Variants in SYT3 observed in about 807,000 individuals in gnomAD.
SYT3 encodes the protein synaptotagmin-3.
A neutral mutation model predicts 50.6 loss-of-function variants in SYT3; 25 were observed. The ratio of observed to expected loss-of-function variants is 0.49; its 90% CI spans 0.36 to 0.69. The LOEUF (loss-of-function observed/expected upper bound fraction) is 0.69, where lower values mean the gene tolerates loss of function less well. Among genes scored for constraint, SYT3 ranks in the 30% least tolerant of loss-of-function variants. The probability of loss-of-function intolerance (pLI) is 0.00; values close to 1 mark genes in which losing one functional copy is unlikely to be tolerated. For missense variants in SYT3, 589 were observed against 793.6 expected, an observed-to-expected ratio of 0.74 and a Z score of 3.10; for synonymous variants, 323 against 353.9, an observed-to-expected ratio of 0.91 and a Z score of 0.98.
In SYT3 at chr19:50,625,076, C is replaced by T. The variant is rs1159819703; in HGVS notation, c.1707+86G>A. The T allele has an allele frequency of 4.5e-6, 6 of 1,345,250 alleles. No homozygotes were observed. The highest frequency in any genetic ancestry group is 1.5e-5 in the African/African-American group (1 of 67,912). The allele number at this position is 1,345,250 out of a possible 1,614,324, so 83.3% of individuals were successfully genotyped here. On this transcript the variant is annotated intron_variant, in intron 9 of 10. Transcript: ENST00000600079. This position sits in a 1 kb window ranked among gnomAD's most constrained non-coding sequence, Gnocchi z 7.5. ...CTAGGACGCCTGGCTCTGCGACTCA[C>T]GAACATGCAGGGCGTTCGTTGCATG... is the stretch of plus-strand genomic sequence containing the variant.
the SYT3 span, chr19:50,649,425 C>G: frequency 6.5e-7 from 1 of 1,536,104 alleles, no homozygotes; most frequent in Non-Finnish European, 8.7e-7. Flanking sequence ...CCTGAGACAT[C>G]CCTCACCCAC....
In SYT3 at chr19:50,639,396, C is replaced by T. The variant is rs1364841084; in HGVS notation, c.-153-234G>A. ...TGGGAGTTGAAGTCCTTAATGCCTC[C>T]GGGCTGCAGAGAGGATGGGATTTTT... On this transcript the variant is annotated intron_variant, in intron 1 of 10. Coordinates refer to ENST00000600079, the MANE Select transcript of SYT3 (RefSeq NM_001160329.2). This position sits in a 1 kb window ranked among gnomAD's most constrained non-coding sequence, Gnocchi z 4.6. 3.3e-5 allele frequency: 5 copies of T among 151,050 alleles called. No homozygotes were observed. The highest frequency in any genetic ancestry group is 7.4e-5 in the Non-Finnish European group (5 of 67,878). The allele number at this position is 151,050 out of a possible 1,614,324, so 9.4% of individuals were successfully genotyped here. A position where few individuals can be genotyped will look rare whatever the true frequency, so the allele number is the denominator to read the frequency against.
At chr19:50,638,263 C>T (rs1048798077) in intron 2 of SYT3, among the ~76,000 whole-genome samples, 6 of 152,000 alleles carry the variant, frequency 3.9e-5, no homozygotes, top group Admixed American at 3.3e-4. Flanking sequence ...GCATTTTAGA[C>T]AGTAGGAGCA....
the SYT3 span, chr19:50,649,578 G>T: frequency 2.7e-6 from 4 of 1,495,750 alleles, no homozygotes; most frequent in Non-Finnish European, 3.6e-6. Flanking sequence ...AGTAGCCCGG[G>T]CTCACAGTGT....
In SYT3 at chr19:50,632,851, T is replaced by G; in HGVS notation, c.149-40A>C. ...GACAGAGGTAGGGGTCAGGATGGGG[T>G]CACAGTACATCCTCCCTCTGCTGTC... On this transcript the variant is annotated intron_variant, in intron 3 of 10. Transcript: ENST00000600079. The surrounding 1 kb of genome is among the most constrained non-coding windows in gnomAD (Gnocchi z 4.7). 6.9e-7 allele frequency: 1 copy of G among 1,448,432 alleles called. No individual in the cohort carries two copies. The highest frequency in any genetic ancestry group is 9.1e-7 in the Non-Finnish European group (1 of 1,097,422). The allele number at this position is 1,448,432 out of a possible 1,614,324, so 89.7% of individuals were successfully genotyped here.
At chr19:50,628,995 T>C (rs1984176227) in intron 6 of SYT3, among the ~76,000 whole-genome samples, 1 of 152,040 alleles carries the variant, frequency 6.6e-6, no homozygotes, top group Non-Finnish European at 1.5e-5. Flanking sequence ...GGCTAATTTT[T>C]GTATTTTTAG....
chr19:50,652,606 G>A, the SYT3 span, among the ~76,000 whole-genome samples: 1 of 152,184 alleles, frequency 6.6e-6, no homozygotes, highest in Non-Finnish European at 1.5e-5. Flanking sequence ...TTGGACTGCA[G>A]CAGGTGAAAA....
At position 50,632,249 on chromosome 19, in the gene SYT3, G is replaced by A; in HGVS notation, c.674+37C>T. On this transcript the variant is annotated intron_variant, in intron 4 of 10. Transcript: ENST00000600079. This position sits in a 1 kb window ranked among gnomAD's most constrained non-coding sequence, Gnocchi z 4.7. ...AAAGAGACACAGAGGAGGAGCAGAAGTTCAGAGTGGACCCCCAACCCAGTA... is the reference window on the plus strand; with the variant it reads ...AAAGAGACACAGAGGAGGAGCAGAAATTCAGAGTGGACCCCCAACCCAGTA... 6.6e-7 allele frequency: 1 copy of A among 1,519,530 alleles called. No individual in the cohort carries two copies. Among genetic ancestry groups the A allele is most frequent in the Non-Finnish European group, 8.8e-7 (1 of 1,130,626 alleles). 94.1% of individuals were successfully genotyped at this position (1,519,530 alleles called of 1,614,324 possible).
At chr19:50,652,911 A>G in the SYT3 span, among the ~76,000 whole-genome samples, 4 of 152,122 alleles carry the variant, frequency 2.6e-5, no homozygotes, top group East Asian at 1.9e-4. Flanking sequence ...TCCTTATTCT[A>G]TCATTTTGTG....
chr19:50,639,384 C>T lies in SYT3; in HGVS notation c.-153-222G>A, dbSNP rs1455851196. On this transcript the variant is annotated intron_variant, in intron 1 of 10. Coordinates refer to ENST00000600079, the MANE Select transcript of SYT3 (RefSeq NM_001160329.2). This position sits in a 1 kb window ranked among gnomAD's most constrained non-coding sequence, Gnocchi z 4.6. ...TGCAGGATCTGCTGGGAGTTGAAGT[C>T]CTTAATGCCTCCGGGCTGCAGAGAG... 6.6e-6 allele frequency: 1 copy of T among 151,882 alleles called. No homozygotes were observed. The highest frequency in any genetic ancestry group is 1.5e-5 in the Non-Finnish European group (1 of 68,064). The allele number at this position is 151,882 out of a possible 1,614,324, so 9.4% of individuals were successfully genotyped here. A position where few individuals can be genotyped will look rare whatever the true frequency, so the allele number is the denominator to read the frequency against.
the SYT3 span, among the ~76,000 whole-genome samples, chr19:50,646,870 G>T: frequency 3.3e-5 from 5 of 151,578 alleles, no homozygotes; most frequent in African/African-American, 1.2e-4. Context: ...TTGCTTTGTC[G>T]CCCAGGCTGG....
intron 3 of SYT3, among the ~76,000 whole-genome samples, chr19:50,636,473 A>G (rs1984497809): frequency 6.6e-6 from 1 of 152,192 alleles, no homozygotes; most frequent in African/African-American, 2.4e-5. Context: ...TCACCTGGAC[A>G]TCCTGCACAT....
In SYT3 at chr19:50,637,218, C is replaced by T. The variant is rs140477707; in HGVS notation, c.148+46G>A. 137 of 1,598,294 alleles carry T rather than the reference C, an allele frequency of 8.6e-5. 2 individuals are homozygous for T. The African/African-American group carries it at 1.6e-3, about 19-fold the overall frequency. On this transcript the variant is annotated intron_variant, in intron 3 of 10. Coordinates refer to ENST00000600079, the MANE Select transcript of SYT3 (RefSeq NM_001160329.2). This position sits in a 1 kb window ranked among gnomAD's most constrained non-coding sequence, Gnocchi z 4.9. ...AGCAGTTCTGCTCCGAGTCTCCTGGCCATAGTGCAAGCAGGGGGCTGGCCA... is the reference window on the plus strand; with the variant it reads ...AGCAGTTCTGCTCCGAGTCTCCTGGTCATAGTGCAAGCAGGGGGCTGGCCA...
chr19:50,632,948 T>A lies in SYT3; in HGVS notation c.149-137A>T. 3.5e-6 allele frequency: 2 copies of A among 574,766 alleles called. No individual in the cohort carries two copies. The highest frequency in any genetic ancestry group is 5.6e-6 in the Non-Finnish European group (2 of 356,256). The allele number at this position is 574,766 out of a possible 1,614,324, so 35.6% of individuals were successfully genotyped here. On this transcript the variant is annotated intron_variant, in intron 3 of 10. Transcript: ENST00000600079. The surrounding 1 kb of genome is among the most constrained non-coding windows in gnomAD (Gnocchi z 4.7). Reference sequence around the variant, plus strand: ...TTGCAAGTGCCAGGCACTTTACATGTATTACTTAATTTATGTTCTACAACT... The same window carrying A: ...TTGCAAGTGCCAGGCACTTTACATGAATTACTTAATTTATGTTCTACAACT...
At chr19:50,647,955 A>G in the SYT3 span, among the ~76,000 whole-genome samples, 1 of 152,180 alleles carries the variant, frequency 6.6e-6, no homozygotes, top group African/African-American at 2.4e-5. Context: ...ACTGAGTAAG[A>G]CTATTTCAAT....
At chr19:50,646,565 C>T in the SYT3 span, among the ~76,000 whole-genome samples, 7 of 151,984 alleles carry the variant, frequency 4.6e-5, no homozygotes, top group East Asian at 7.8e-4. Flanking sequence ...ACAGATGGGG[C>T]GGAGGGCAGT....
chr19:50,630,202 G>A, intron 4 of SYT3, 31 bp from the exon 5 acceptor site: 6 of 1,485,468 alleles, frequency 4.0e-6, no homozygotes, highest in Non-Finnish European at 5.4e-6. Context: ...ACCAAGGTGA[G>A]GTCAGTGGCT....
At chr19:50,649,418 G>T in the SYT3 span, 2 of 1,536,154 alleles carry the variant, frequency 1.3e-6, no homozygotes, top group Non-Finnish European at 1.7e-6. Context: ...CCACCTTCCT[G>T]AGACATCCCT....
rs1415291845 is a variant in SYT3 at position 50,625,100 on chromosome 19, T to A, written c.1707+62A>T. ...ACGAACATGCAGGGCGTTCGTTGCA[T>A]GGATGAAGGGGCCGAGGGTGCACGG... is the stretch of plus-strand genomic sequence containing the variant. On this transcript the variant is annotated intron_variant, in intron 9 of 10. Transcript: ENST00000600079. This position sits in a 1 kb window ranked among gnomAD's most constrained non-coding sequence, Gnocchi z 7.5. 4 of 1,448,782 alleles carry A rather than the reference T, an allele frequency of 2.8e-6. No homozygotes were observed. Among genetic ancestry groups the A allele is most frequent in the Non-Finnish European group, 3.6e-6 (4 of 1,098,442 alleles). The allele number at this position is 1,448,782 out of a possible 1,614,324, so 89.7% of individuals were successfully genotyped here. A position where few individuals can be genotyped will look rare whatever the true frequency, so the allele number is the denominator to read the frequency against.
Sources: allele counts gnomAD v4.1 joint callset (sites outside exome capture counted in the v4.1 genomes callset), GRCh38; gene constraint gnomAD v4.1.1; non-coding constraint Gnocchi (gnomAD v3.1); transcripts MANE v1.5; gene names NCBI Gene and HGNC (gene_info 2026-07-23, HGNC 2026-07-21).